ADGRG1: variants seen among roughly 807,000 people sequenced by gnomAD.
ADGRG1 encodes 7-transmembrane protein with no EGF-like N-terminal domains-1.
A neutral mutation model predicts 73.5 loss-of-function variants in ADGRG1; 53 were observed. The observed-to-expected ratio is 0.72, with a 90% CI of 0.58 to 0.91. ADGRG1 has a LOEUF of 0.91. Ranked by LOEUF, ADGRG1 falls within the 40% of genes least tolerant of loss-of-function variation. ADGRG1 has a pLI of 0.00. For missense variants in ADGRG1, 795 were observed against 871.8 expected, an observed-to-expected ratio of 0.91 and a Z score of 1.11; for synonymous variants, 394 against 374.4, an observed-to-expected ratio of 1.05 and a Z score of -0.60.
rs1367306359 is a variant in ADGRG1 at position 57,661,714 on chromosome 16, C to G, written c.1682C>G (p.Ser561Cys). 1.2e-6 allele frequency: 2 copies of G among 1,613,912 alleles called. No homozygotes were observed. Among genetic ancestry groups the G allele is most frequent in the South Asian group, 2.2e-5 (2 of 91,070 alleles). ...IYPSMCWIRD[S>C]LVSYITNLGL... ...GCCCGCAGGTGCTGGATCCGGGACT[C>G]CCTGGTCAGCTACATCACCAACCTG... Residue 561 changes from serine (S) to cysteine (C), a missense_variant, in exon 13 of 14, where the codon TCC becomes TGC. Ser to Cys is a moderately radical substitution (Grantham distance 112). Coordinates refer to ENST00000562631, the MANE Select transcript of ADGRG1 (RefSeq NM_201525.4).
intron 13 of ADGRG1, 103 bp downstream of exon 13, chr16:57,662,068 C>G (rs1171872290): frequency 1.1e-6 from 1 of 910,756 alleles, no homozygotes; most frequent in Non-Finnish European, 1.8e-6. Context: ...CTTCTCTGGG[C>G]CTCAGTCATC....
intron 1 of ADGRG1, chr16:57,647,170 C>G: frequency 1.0e-6 from 1 of 985,334 alleles, no homozygotes; most frequent in Non-Finnish European, 1.2e-6. Flanking sequence ...GTGACAGTGT[C>G]CCCCTGCCCA....
In ADGRG1 at chr16:57,656,228, G is replaced by T; in HGVS notation, c.1020G>T (p.Lys340Asn). 6.2e-7 allele frequency: 1 copy of T among 1,613,722 alleles called. No homozygotes were observed. Among genetic ancestry groups the T allele is most frequent in the Non-Finnish European group, 8.5e-7 (1 of 1,179,850 alleles). ...ACTCTCCTTTCTTGTCCCTACAGAAGAATGTGACTCTGCAATGTGTGTTCT... is the reference window on the plus strand; with the variant it reads ...ACTCTCCTTTCTTGTCCCTACAGAATAATGTGACTCTGCAATGTGTGTTCT... ...VLTFQHQLQP[K>N]NVTLQCVFWV... Residue 340 changes from lysine to asparagine, a missense_variant and splice_region_variant, in exon 8 of 14, where the codon AAG (lysine) becomes AAT (asparagine). By Grantham distance (94) the Lys-to-Asn change is moderately conservative. Transcript: ENST00000562631.
intron 1 of ADGRG1, chr16:57,630,960 A>G (rs947908015): frequency 3.0e-6 from 3 of 985,452 alleles, no homozygotes; most frequent in Middle Eastern, 5.2e-4. Context: ...GCAGGTCTCA[A>G]TCTGCTCTGT....
intron 11 of ADGRG1, 69 bp downstream of exon 11, chr16:57,659,750 T>C: frequency 6.5e-7 from 1 of 1,526,878 alleles, no homozygotes; most frequent in Non-Finnish European, 9.0e-7. Context: ...CCCAGGCACC[T>C]GGTTCTGCCT....
intron 1 of ADGRG1, chr16:57,635,873 G>C: frequency 1.0e-6 from 1 of 985,262 alleles, no homozygotes; most frequent in East Asian, 1.1e-4. Flanking sequence ...AAATGGGAAT[G>C]ATAGTACCTC....
intron 1 of ADGRG1, among the ~76,000 whole-genome samples, chr16:57,633,856 A>T (rs2038658412): frequency 6.6e-6 from 1 of 152,224 alleles, no homozygotes; most frequent in Non-Finnish European, 1.5e-5. Flanking sequence ...CAATCCTGTG[A>T]CAGCTTCCCC....
At chr16:57,628,600 C>T (rs2036382703), upstream of ADGRG1, 5 of 985,528 alleles carry the variant, frequency 5.1e-6, no homozygotes, top group African/African-American at 1.7e-5. Flanking sequence ...GGGTGTCTCC[C>T]CACCAAACAA....
At chr16:57,646,720 C>T (rs2042742791) in intron 1 of ADGRG1, 2 of 981,982 alleles carry the variant, frequency 2.0e-6, no homozygotes, top group Non-Finnish European at 2.4e-6. Flanking sequence ...GCACCACGCT[C>T]GTGTGATCTC....
At chr16:57,662,166 G>T (rs372061990) in intron 13 of ADGRG1, among the ~76,000 whole-genome samples, 2 of 152,368 alleles carry the variant, frequency 1.3e-5, no homozygotes, top group African/African-American at 4.8e-5. Context: ...AAGCCACAGG[G>T]CTTATGGCTG....
chr16:57,659,663 C>T lies in ADGRG1; in HGVS notation c.1537C>T (p.Leu513=), dbSNP rs762771228. The change falls in exon 11 of 14, where the codon CTG becomes TTG. Residue 513 remains leucine, a synonymous_variant. Transcript: ENST00000562631. ...CTATGTCCCTGGCTACCTACTCAAG[C>T]TGAGCGCCATGGGCTGGGGTAAGTG... ...GTYVPGYLLK[L]SAMGWGFPIF... is the part of the protein sequence containing the mutation. 3 of 1,613,898 alleles carry T rather than the reference C, an allele frequency of 1.9e-6. No homozygotes were observed. The highest frequency in any genetic ancestry group is 3.3e-5 in the Admixed American group (2 of 60,020).
At chr16:57,632,364 C>A (rs1597121579) in intron 1 of ADGRG1, 17 of 956,196 alleles carry the variant, frequency 1.8e-5, no homozygotes, top group Non-Finnish European at 2.1e-5. Context: ...TGGGCCTGTG[C>A]CTCGGTTTCC....
At chr16:57,632,600 G>T (rs2147350957) in intron 1 of ADGRG1, among the ~76,000 whole-genome samples, 1 of 152,352 alleles carries the variant, frequency 6.6e-6, no homozygotes, top group South Asian at 2.1e-4. Context: ...TGGGAGAGCT[G>T]CGGCCACCTG....
At chr16:57,632,423 T>G (rs547770523) in intron 1 of ADGRG1, 4 of 681,876 alleles carry the variant, frequency 5.9e-6, no homozygotes, top group African/African-American at 3.9e-5. Context: ...GAGGCTATTA[T>G]GAGCATGAAG....
At chr16:57,636,512 G>A (rs2039406854) in intron 1 of ADGRG1, 1 of 985,244 alleles carries the variant, frequency 1.0e-6, no homozygotes, top group Admixed American at 6.2e-5. Flanking sequence ...GATCCTGTTA[G>A]ATGCTGGAGA....
chr16:57,621,852 G>T lies in ADGRG1; in HGVS notation c.-154+457G>T, dbSNP rs2034885824. On this transcript the variant is annotated intron_variant, in intron 2 of 4. Transcript: ENST00000561833. ...CAAGTAGGATGGTCTTGAGGTAAGG[G>T]GATGCTGGTGACCCCATGCCAAGGC... 7 of 985,248 alleles carry T rather than the reference G, an allele frequency of 7.1e-6. No homozygotes were observed. The South Asian group carries it at 2.8e-4, about 40-fold the overall frequency. The allele number at this position is 985,248 out of a possible 1,614,324, so 61.0% of individuals were successfully genotyped here.
Position 57,654,412 on chromosome 16 carries a change from C to A in ADGRG1, c.768+279C>A, listed in dbSNP as rs12597776. ...GCCCCTAAACGCCTGTCCACGCACC[C>A]CCCCCCCCCGTTTTTTTTTTTTCGA... On this transcript the variant is annotated intron_variant, in intron 5 of 13. Transcript: ENST00000562631. 0.49 allele frequency among the ~76,000 whole-genome samples: 58,863 copies of A among 120,554 alleles called. 13,908 individuals are homozygous for A. The highest frequency in any genetic ancestry group is 0.56 in the African/African-American group (17,277 of 30,732). The allele number at this position is 120,554 out of a possible 152,430, so 79.1% of individuals were successfully genotyped here. A position where few individuals can be genotyped will look rare whatever the true frequency, so the allele number is the denominator to read the frequency against.
chr16:57,660,984 C>G (rs1482404696), intron 12 of ADGRG1, 108 bp downstream of exon 12: 1 of 759,274 alleles, frequency 1.3e-6, no homozygotes, highest in Admixed American at 2.0e-5. Context: ...GGGTTCCAGT[C>G]TCCTCGAGGA....
chr16:57,628,096 C>G, upstream of ADGRG1: 4 of 984,596 alleles, frequency 4.1e-6, no homozygotes, highest in South Asian at 1.4e-4. Context: ...GCCGGTCAGT[C>G]GTGCGTGGCC....
Sources: gnomAD v4.1 joint callset for allele counts (sites outside exome capture counted in the v4.1 genomes callset) on GRCh38, gnomAD v4.1.1 for gene constraint, MANE v1.5 for transcripts, NCBI Gene and HGNC (gene_info 2026-07-23, HGNC 2026-07-21) for gene names.